MUSK: variants seen among roughly 807,000 people sequenced by gnomAD.
The protein encoded by MUSK is muscle associated receptor tyrosine kinase, also known as muscle, skeletal receptor tyrosine-protein kinase.
Under a neutral mutation model 88.7 loss-of-function variants are expected in MUSK, and 55 were observed. The observed-to-expected ratio is 0.62, with a 90% CI of 0.50 to 0.78. The LOEUF (loss-of-function observed/expected upper bound fraction) is 0.78, where lower values mean the gene tolerates loss of function less well. Ranked by LOEUF, MUSK falls within the 30% of genes least tolerant of loss-of-function variation. MUSK has a pLI of 0.00. For missense variants in MUSK, 1,015 were observed against 1,074.3 expected, an observed-to-expected ratio of 0.94 and a Z score of 0.77; for synonymous variants, 387 against 391.9, an observed-to-expected ratio of 0.99 and a Z score of 0.15.
At chr9:110,717,521 G>C (rs1007137798) in intron 5 of MUSK, among the ~76,000 whole-genome samples, 2 of 149,870 alleles carry the variant, frequency 1.3e-5, no homozygotes, top group Non-Finnish European at 2.9e-5. Flanking sequence ...TCCATAAATA[G>C]TTCTATCAAT....
At chr9:110,719,320 A>C (rs970388433) in intron 5 of MUSK, among the ~76,000 whole-genome samples, 1 of 152,108 alleles carries the variant, frequency 6.6e-6, no homozygotes, top group Admixed American at 6.6e-5. Context: ...TTCACCAACC[A>C]AGTTTCTACT....
Position 110,747,640 on chromosome 9 carries a change from G to T in MUSK, c.754-1G>T. The T allele has an allele frequency of 1.2e-6, 2 of 1,609,710 alleles. No individual in the cohort carries two copies. On this transcript the variant is annotated splice_acceptor_variant, in intron 6 of 14. Coordinates refer to ENST00000374448, the MANE Select transcript of MUSK (RefSeq NM_005592.4). LOFTEE classifies it high-confidence loss of function. ...TCTTTTATTTTCCTTTACTCTGTCA[G>T]GTTTCTTCTGGGTCCATTCAAGAGA...
intron 5 of MUSK, among the ~76,000 whole-genome samples, chr9:110,717,742 T>C (rs1452434180): frequency 7.2e-6 from 1 of 138,118 alleles, no homozygotes; most frequent in Non-Finnish European, 1.5e-5. Context: ...GACAGATATT[T>C]TCCCTCAGTG....
At position 110,753,457 on chromosome 9, in the gene MUSK, AAAAG is replaced by A. The variant is rs199821972; in HGVS notation, c.913+5659_913+5662del. ...TTCATCTCAAAAAGGAAAAAAAAAA[AAAAG>A]AGAGAGAGAGAGAGAGAGAAATAAA... On this transcript the variant is annotated intron_variant, in intron 7 of 14. Transcript: ENST00000374448. Among the ~76,000 whole-genome samples the A allele has an allele frequency of 3.1e-4, 46 of 150,018 alleles. No homozygotes were observed. In the South Asian group the frequency reaches 4.0e-3, roughly 13 times the overall value.
Position 110,687,096 on chromosome 9 carries a change from AT to A in MUSK, c.207-14del. On this transcript the variant is annotated intron_variant, in intron 2 of 14. Transcript: ENST00000374448. ...ATCACAGAGGAAGCACTAATCTGTC[AT>A]TTTTTTCTGTGACCTGCAGACTCTT... The A allele has an allele frequency of 6.2e-7, 1 of 1,603,320 alleles. No individual in the cohort carries two copies. The highest frequency in any genetic ancestry group is 8.5e-7 in the Non-Finnish European group (1 of 1,173,506).
At chr9:110,762,263 C>G in intron 8 of MUSK, 55 bp downstream of exon 8, 1 of 1,330,800 alleles carries the variant, frequency 7.5e-7, no homozygotes, top group African/African-American at 1.5e-5. Flanking sequence ...GTAGGGATTT[C>G]GTTTGTTTGT....
At chr9:110,750,074 C>T (rs1038680405) in intron 7 of MUSK, among the ~76,000 whole-genome samples, 4 of 130,306 alleles carry the variant, frequency 3.1e-5, no homozygotes, top group Non-Finnish European at 7.2e-5. Flanking sequence ...TGTTTATATA[C>T]ACACACATGG....
At position 110,787,647 on chromosome 9, in the gene MUSK, G is replaced by A. The variant is rs754425702; in HGVS notation, c.1779-43G>A. On this transcript the variant is annotated intron_variant, in intron 13 of 14. Transcript: ENST00000374448. ...ATGTGGGTAGGTATAAAGATATGAT[G>A]TCCATGATCTTTGGTTTCTTTTTCA... 23 of 1,593,636 alleles carry A rather than the reference G, an allele frequency of 1.4e-5. 1 individual carries two copies. The South Asian group carries it at 2.2e-4, about 16-fold the overall frequency.
intron 5 of MUSK, among the ~76,000 whole-genome samples, chr9:110,701,896 T>G (rs1230386444): frequency 3.3e-5 from 4 of 120,772 alleles, no homozygotes; most frequent in Non-Finnish European, 6.6e-5. Context: ...TTTATTTTAT[T>G]TTATTTTATT....
intron 5 of MUSK, among the ~76,000 whole-genome samples, chr9:110,706,653 T>C (rs2076603113): frequency 6.6e-6 from 1 of 152,126 alleles, no homozygotes; most frequent in Admixed American, 6.6e-5. Context: ...GGGACAACTT[T>C]TGAAATTCTG....
intron 5 of MUSK, among the ~76,000 whole-genome samples, chr9:110,732,482 G>A (rs368179717): frequency 1.1e-4 from 17 of 151,978 alleles, no homozygotes; most frequent in African/African-American, 4.1e-4. Flanking sequence ...ATTGCATTTG[G>A]GTGATATGTC....
At chr9:110,754,702 C>G (rs922794483) in intron 7 of MUSK, among the ~76,000 whole-genome samples, 1 of 152,230 alleles carries the variant, frequency 6.6e-6, no homozygotes, top group Non-Finnish European at 1.5e-5. Flanking sequence ...CTTTGTATTT[C>G]CAAATTATAT....
At chr9:110,723,482 A>G (rs2076842261) in intron 5 of MUSK, among the ~76,000 whole-genome samples, 2 of 152,072 alleles carry the variant, frequency 1.3e-5, no homozygotes, top group Admixed American at 6.6e-5. Flanking sequence ...AAAAGAGTGG[A>G]AGGGGGATGA....
chr9:110,735,273 C>G (rs1329566663), intron 6 of MUSK, among the ~76,000 whole-genome samples: 1 of 152,104 alleles, frequency 6.6e-6, no homozygotes, highest in East Asian at 1.9e-4. Context: ...TTTATTGCGG[C>G]ACTATTCACA....
At chr9:110,711,142 T>C (rs2076664663) in intron 5 of MUSK, among the ~76,000 whole-genome samples, 1 of 152,148 alleles carries the variant, frequency 6.6e-6, no homozygotes, top group African/African-American at 2.4e-5. Flanking sequence ...TTAGGAGATA[T>C]ACCTAATGTA....
chr9:110,769,438 G>A (rs2077534980), intron 9 of MUSK, among the ~76,000 whole-genome samples: 1 of 151,978 alleles, frequency 6.6e-6, no homozygotes, highest in Non-Finnish European at 1.5e-5. Context: ...CTTCAGCATT[G>A]ACAGAATAAG....
intron 5 of MUSK, among the ~76,000 whole-genome samples, chr9:110,728,933 T>C (rs1440022708): frequency 6.6e-6 from 1 of 151,964 alleles, no homozygotes; most frequent in African/African-American, 2.4e-5. Context: ...TTAAGCAAGA[T>C]TGAGTTAAAA....
intron 11 of MUSK, among the ~76,000 whole-genome samples, chr9:110,781,567 C>T (rs1440891134): frequency 6.6e-6 from 1 of 152,108 alleles, no homozygotes; most frequent in Non-Finnish European, 1.5e-5. Flanking sequence ...TGAGCTACTG[C>T]TCCCAGCCCA....
chr9:110,669,306 G>A (rs1356304367), intron 1 of MUSK, among the ~76,000 whole-genome samples: 3 of 152,178 alleles, frequency 2.0e-5, no homozygotes, highest in Non-Finnish European at 4.4e-5. Flanking sequence ...AAATTTCAGG[G>A]TGGTCTAAGT....
Sources: gnomAD v4.1 joint callset for allele counts (sites outside exome capture counted in the v4.1 genomes callset) on GRCh38, gnomAD v4.1.1 for gene constraint, MANE v1.5 for transcripts, NCBI Gene and HGNC (gene_info 2026-07-23, HGNC 2026-07-21) for gene names.